Variants in NAALADL2 observed in about 807,000 individuals in gnomAD.
The protein encoded by NAALADL2 is inactive N-acetylated-alpha-linked acidic dipeptidase-like protein 2.
NAALADL2 carries 76 observed loss-of-function variants against 87.2 expected under a neutral mutation model. The observed-to-expected ratio is 0.87, with a 90% CI of 0.72 to 1.05. NAALADL2 has a LOEUF of 1.05. Ranked by LOEUF, NAALADL2 falls within the 50% of genes least tolerant of loss-of-function variation. NAALADL2 has a pLI of 0.00. For synonymous variants in NAALADL2, 354 were observed against 331.0 expected (o/e 1.07, Z -0.75); for missense variants, 1,089 against 945.8 (o/e 1.15, Z -1.99).
intron 3 of NAALADL2, among the ~76,000 whole-genome samples, chr3:174,790,352 G>A (rs1384460901): frequency 6.6e-6 from 1 of 152,054 alleles, no homozygotes; most frequent in Non-Finnish European, 1.5e-5. Flanking sequence ...AGAATGATCT[G>A]TCAAATATTG....
intron 2 of NAALADL2, among the ~76,000 whole-genome samples, chr3:174,655,845 A>G (rs1190706900): frequency 1.3e-5 from 2 of 152,212 alleles, no homozygotes; most frequent in Non-Finnish European, 2.9e-5. Context: ...AAGTTTTAAA[A>G]CACATTTTAA....
intron 2 of NAALADL2, among the ~76,000 whole-genome samples, chr3:174,592,186 A>G (rs1167537102): frequency 6.6e-6 from 1 of 152,104 alleles, no homozygotes; most frequent in African/African-American, 2.4e-5. Context: ...ATGGAACTAT[A>G]ATTTTGGAAT....
At chr3:175,662,635 A>T (rs1420314245) in intron 11 of NAALADL2, among the ~76,000 whole-genome samples, 1 of 151,402 alleles carries the variant, frequency 6.6e-6, no homozygotes, top group Non-Finnish European at 1.5e-5. Flanking sequence ...CTTGTCACAT[A>T]CAGCCTTTAC....
At chr3:174,772,336 C>T (rs1395353758) in intron 3 of NAALADL2, among the ~76,000 whole-genome samples, 1 of 152,052 alleles carries the variant, frequency 6.6e-6, no homozygotes, top group African/African-American at 2.4e-5. Context: ...CCCAGATTTT[C>T]ACTGTGGTTT....
At position 175,377,757 on chromosome 3, in the gene NAALADL2, A is replaced by T. The variant is rs183865918; in HGVS notation, c.1090+53432A>T. ...CAGCTGACAGACAAGGAGCAGCTGGACATCAGAGACTATGTCTGGACATTA... is the reference window on the plus strand; with the variant it reads ...CAGCTGACAGACAAGGAGCAGCTGGTCATCAGAGACTATGTCTGGACATTA... On this transcript the variant is annotated intron_variant, in intron 5 of 13. Transcript: ENST00000454872. Among the ~76,000 whole-genome samples, 43 of 152,318 alleles carry T rather than the reference A, an allele frequency of 2.8e-4. No homozygotes were observed. In the East Asian group the frequency reaches 4.5e-3, roughly 16 times the overall value.
chr3:174,875,112 C>CAAAAAA (rs10547300), intron 1 of NAALADL2, among the ~76,000 whole-genome samples: 5 of 41,534 alleles, frequency 1.2e-4, no homozygotes, highest in Non-Finnish European at 1.8e-4. Flanking sequence ...GACCCTGTCT[C>CAAAAAA]AAAAAAAAAA....
intron 2 of NAALADL2, among the ~76,000 whole-genome samples, chr3:174,653,748 T>C (rs900279575): frequency 6.6e-6 from 1 of 152,148 alleles, no homozygotes; most frequent in Non-Finnish European, 1.5e-5. Flanking sequence ...GTGAACAATA[T>C]TGGAAGGCCT....
intron 1 of NAALADL2, among the ~76,000 whole-genome samples, chr3:175,000,410 G>C (rs1474821714): frequency 6.6e-6 from 1 of 152,148 alleles, no homozygotes; most frequent in Non-Finnish European, 1.5e-5. Flanking sequence ...TTTCAACTTT[G>C]CTGGGCATAC....
rs185616751 is a variant in NAALADL2 at position 175,150,682 on chromosome 3, G to A, written c.545+53391G>A. Among the ~76,000 whole-genome samples, 6 of 152,166 alleles carry A rather than the reference G, an allele frequency of 3.9e-5. No individual in the cohort carries two copies. In the East Asian group the frequency reaches 9.7e-4, roughly 24 times the overall value. ...TTTTAAGGGATATAAAGATTATCAG[G>A]GTAGGCATTTTCAGGTACAAATTTT... On this transcript the variant is annotated intron_variant, in intron 2 of 13. Coordinates refer to ENST00000454872, the MANE Select transcript of NAALADL2 (RefSeq NM_207015.3).
intron 13 of NAALADL2, among the ~76,000 whole-genome samples, chr3:175,761,749 T>C (rs1413114329): frequency 1.3e-5 from 2 of 152,220 alleles, no homozygotes; most frequent in Non-Finnish European, 2.9e-5. Context: ...CCCAATGATA[T>C]ATGATGTTTT....
intron 4 of NAALADL2, among the ~76,000 whole-genome samples, chr3:175,298,042 T>C (rs1020139744): frequency 1.2e-4 from 19 of 152,142 alleles, no homozygotes; most frequent in Non-Finnish European, 1.5e-5. Context: ...CCCATATAAA[T>C]ACATGTTGAA....
chr3:175,107,587 A>G (rs1723423692), intron 2 of NAALADL2, among the ~76,000 whole-genome samples: 2 of 151,872 alleles, frequency 1.3e-5, no homozygotes, highest in African/African-American at 2.4e-5. Flanking sequence ...ACCCTGTTTT[A>G]TACATACAGA....
intron 9 of NAALADL2, among the ~76,000 whole-genome samples, chr3:175,477,676 C>T (rs964486658): frequency 2.0e-5 from 3 of 152,012 alleles, no homozygotes; most frequent in African/African-American, 4.8e-5. Context: ...TATGCTTTTG[C>T]ATATACATGT....
intron 3 of NAALADL2, among the ~76,000 whole-genome samples, chr3:174,833,654 T>A (rs1048467832): frequency 1.8e-4 from 28 of 152,216 alleles, no homozygotes; most frequent in African/African-American, 6.5e-4. Flanking sequence ...ATACATATCA[T>A]TAACAAAATA....
intron 12 of NAALADL2, among the ~76,000 whole-genome samples, chr3:175,745,657 C>A (rs985709049): frequency 1.3e-5 from 2 of 152,126 alleles, no homozygotes; most frequent in Non-Finnish European, 2.9e-5. Context: ...TATTTTCAAT[C>A]TACAGTTGCT....
chr3:175,124,887 A>G (rs1309937657), intron 2 of NAALADL2, among the ~76,000 whole-genome samples: 1 of 152,042 alleles, frequency 6.6e-6, no homozygotes, highest in Non-Finnish European at 1.5e-5. Context: ...TTCAATAGGC[A>G]GAAATGGGGA....
chr3:174,864,713 T>C (rs1336234558), intron 1 of NAALADL2, among the ~76,000 whole-genome samples: 1 of 152,126 alleles, frequency 6.6e-6, no homozygotes, highest in African/African-American at 2.4e-5. Context: ...TATATAAATG[T>C]AATTATTACT....
intron 5 of NAALADL2, among the ~76,000 whole-genome samples, chr3:175,337,126 T>C (rs1049372385): frequency 6.6e-6 from 1 of 152,046 alleles, no homozygotes; most frequent in African/African-American, 2.4e-5. Context: ...ACAATTCTTA[T>C]GTAATTGGAA....
intron 3 of NAALADL2, among the ~76,000 whole-genome samples, chr3:174,747,424 C>T (rs1578768644): frequency 6.6e-6 from 1 of 151,414 alleles, no homozygotes; most frequent in East Asian, 1.9e-4. Flanking sequence ...AAAGTCAAGA[C>T]CAGCCTGACC....
Sources: allele counts gnomAD v4.1 joint callset (sites outside exome capture counted in the v4.1 genomes callset), GRCh38; gene constraint gnomAD v4.1.1; transcripts MANE v1.5; gene names NCBI Gene and HGNC (gene_info 2026-07-23, HGNC 2026-07-21).